SNAP91: variants seen among roughly 807,000 people sequenced by gnomAD.
SNAP91 encodes the protein clathrin coat assembly protein AP180.
In SNAP91, 27 loss-of-function variants were observed where a neutral mutation model predicts 100.3. The observed-to-expected ratio is 0.27, with a 90% confidence interval of 0.20 to 0.37. The LOEUF (loss-of-function observed/expected upper bound fraction) is 0.37. Among genes scored for constraint, SNAP91 ranks in the 10% least tolerant of loss-of-function variants. The probability of loss-of-function intolerance (pLI) is 1.00; values close to 1 mark genes in which losing one functional copy is unlikely to be tolerated. For missense variants in SNAP91, 986 were observed against 1,123.7 expected, an observed-to-expected ratio of 0.88 and a Z score of 1.75; for synonymous variants, 404 against 398.6, an observed-to-expected ratio of 1.01 and a Z score of -0.16.
At chr6:83,649,957 A>G (rs552901638) in intron 7 of SNAP91, among the ~76,000 whole-genome samples, 20 of 152,298 alleles carry the variant, frequency 1.3e-4, no homozygotes, top group Non-Finnish European at 2.8e-4. Flanking sequence ...TAATTGAGAT[A>G]AAGTTCAAAG....
rs117944130 is a variant in SNAP91, at chr6:83,556,548, G to A, written c.2632-303C>T. 3.5e-3 allele frequency among the ~76,000 whole-genome samples: 527 copies of A among 152,222 alleles called. 2 individuals are homozygous for A. Among genetic ancestry groups the A allele is most frequent in the Non-Finnish European group, 6.5e-3 (439 of 68,016 alleles). ...ACTTCAACTGATATTTGGCTTTCTT[G>A]AACTTCTCTGACATCAGATTTAGCC... On this transcript the variant is annotated intron_variant, in intron 28 of 29. Coordinates refer to ENST00000369694, the MANE Select transcript of SNAP91 (RefSeq NM_001242792.2).
intron 8 of SNAP91, among the ~76,000 whole-genome samples, chr6:83,627,318 TG>T (rs1488134607): frequency 1.3e-5 from 2 of 151,996 alleles, no homozygotes; most frequent in African/African-American, 4.8e-5. Flanking sequence ...TTCTTTTTTT[TG>T]TTGTGCCTTT....
intron 8 of SNAP91, among the ~76,000 whole-genome samples, chr6:83,629,760 T>A (rs1437128021): frequency 6.6e-6 from 1 of 151,790 alleles, no homozygotes; most frequent in Non-Finnish European, 1.5e-5. Context: ...TCTGGAGGAG[T>A]CTTTAGGGTT....
chr6:83,648,138 T>C (rs1415900703), intron 7 of SNAP91, among the ~76,000 whole-genome samples: 1 of 152,228 alleles, frequency 6.6e-6, no homozygotes, highest in Non-Finnish European at 1.5e-5. Context: ...GAACCATGGG[T>C]AACCACTAGT....
intron 23 of SNAP91, 94 bp from the exon 24 acceptor site, chr6:83,580,693 C>T (rs1320539847): frequency 1.7e-6 from 2 of 1,166,710 alleles, no homozygotes; most frequent in Non-Finnish European, 2.4e-6. Flanking sequence ...ACTATGGAAA[C>T]AAGTGAATAT....
intron 9 of SNAP91, among the ~76,000 whole-genome samples, chr6:83,618,149 T>C (rs1296389778): frequency 6.6e-6 from 1 of 151,926 alleles, no homozygotes; most frequent in African/African-American, 2.4e-5. Context: ...TATTCATTTT[T>C]CATTTCACTA....
intron 8 of SNAP91, among the ~76,000 whole-genome samples, chr6:83,631,336 CT>C (rs1430843591): frequency 2.6e-5 from 4 of 152,122 alleles, no homozygotes; most frequent in African/African-American, 9.7e-5. Context: ...ATGGAATGTT[CT>C]ATATACATCT....
At chr6:83,649,946 CTAAT>C (rs1385206541) in intron 7 of SNAP91, among the ~76,000 whole-genome samples, 1 of 152,106 alleles carries the variant, frequency 6.6e-6, no homozygotes, top group Non-Finnish European at 1.5e-5. Flanking sequence ...TTTTGAACAA[CTAAT>C]TGAGATAAAG....
At chr6:83,680,698 C>T (rs2098976937) in intron 2 of SNAP91, among the ~76,000 whole-genome samples, 2 of 152,142 alleles carry the variant, frequency 1.3e-5, no homozygotes, top group South Asian at 4.2e-4. Flanking sequence ...TATTTTGGGC[C>T]AGAAAATTCT....
At chr6:83,621,072 G>A (rs554161171) in intron 9 of SNAP91, among the ~76,000 whole-genome samples, 21 of 151,690 alleles carry the variant, frequency 1.4e-4, no homozygotes, top group South Asian at 8.4e-4. Flanking sequence ...GATACTTGGC[G>A]CAGGTTTGTC....
intron 2 of SNAP91, among the ~76,000 whole-genome samples, chr6:83,698,952 C>T (rs1268343772): frequency 6.6e-6 from 1 of 152,086 alleles, no homozygotes; most frequent in Admixed American, 6.5e-5. Context: ...AAATGATTTA[C>T]AAAAATAATT....
intron 7 of SNAP91, 84 bp downstream of exon 7, chr6:83,656,670 T>A: frequency 6.7e-6 from 3 of 446,574 alleles, no homozygotes; most frequent in Non-Finnish European, 1.1e-5. Flanking sequence ...GCCCACCAAG[T>A]GAGACAACAG....
intron 2 of SNAP91, chr6:83,678,770 A>T: frequency 7.8e-7 from 1 of 1,289,454 alleles, no homozygotes; most frequent in Non-Finnish European, 1.0e-6. Flanking sequence ...GCCTTACCAA[A>T]GCCTTACTGT....
chr6:83,647,485 C>A (rs1297295666), intron 7 of SNAP91, among the ~76,000 whole-genome samples: 1 of 152,112 alleles, frequency 6.6e-6, no homozygotes, highest in Non-Finnish European at 1.5e-5. Flanking sequence ...TGGCAGATTA[C>A]ATTAATTGAT....
chr6:83,701,844 G>A (rs2099315622), intron 2 of SNAP91, among the ~76,000 whole-genome samples: 1 of 152,224 alleles, frequency 6.6e-6, no homozygotes, highest in African/African-American at 2.4e-5. Flanking sequence ...ACACATCTGG[G>A]ACAAATGAAG....
intron 13 of SNAP91, 132 bp from the exon 14 acceptor site, chr6:83,605,935 A>G (rs2095582425): frequency 2.4e-6 from 2 of 821,786 alleles, no homozygotes; most frequent in Non-Finnish European, 3.7e-6. Flanking sequence ...ATACTTTGGA[A>G]AGTATAGAGC....
At chr6:83,632,297 G>A (rs141062308) in intron 8 of SNAP91, among the ~76,000 whole-genome samples, 2 of 152,100 alleles carry the variant, frequency 1.3e-5, no homozygotes, top group East Asian at 3.9e-4. Flanking sequence ...GTTACCTGAT[G>A]CTTCTGTCTC....
At chr6:83,628,548 T>C (rs1032217274) in intron 8 of SNAP91, among the ~76,000 whole-genome samples, 1 of 151,906 alleles carries the variant, frequency 6.6e-6, no homozygotes, top group African/African-American at 2.4e-5. Flanking sequence ...TTTTAATTTT[T>C]TGATTATGGC....
chr6:83,679,121 A>C (rs1212799056), intron 2 of SNAP91, among the ~76,000 whole-genome samples: 1 of 152,170 alleles, frequency 6.6e-6, no homozygotes, highest in Admixed American at 6.6e-5. Flanking sequence ...TCTATATAGC[A>C]TTCCCATTGT....
Sources: gnomAD v4.1 joint callset for allele counts (sites outside exome capture counted in the v4.1 genomes callset) on GRCh38, gnomAD v4.1.1 for gene constraint, MANE v1.5 for transcripts, NCBI Gene and HGNC (gene_info 2026-07-23, HGNC 2026-07-21) for gene names.